UVSSA: variants seen among roughly 807,000 people sequenced by gnomAD.
UVSSA encodes the protein UV stimulated scaffold protein A.
In UVSSA, 72 loss-of-function variants were observed where a neutral mutation model predicts 73.9. The observed-to-expected ratio is 0.97, with a 90% CI of 0.81 to 1.19. The LOEUF (loss-of-function observed/expected upper bound fraction) is 1.19, where lower values mean the gene tolerates loss of function less well. UVSSA is among the 50% of genes most tolerant of loss of function. The pLI is 0.00. For missense variants in UVSSA, 1,150 were observed against 965.0 expected, an observed-to-expected ratio of 1.19 and a Z score of -2.54; for synonymous variants, 454 against 391.3, an observed-to-expected ratio of 1.16 and a Z score of -1.89.
At chr4:1,361,146 G>A (rs2109155811) in intron 7 of UVSSA, among the ~76,000 whole-genome samples, 1 of 152,358 alleles carries the variant, frequency 6.6e-6, no homozygotes. Flanking sequence ...CCTAGCTCTG[G>A]AATCGACCTC....
intron 10 of UVSSA, among the ~76,000 whole-genome samples, chr4:1,378,368 C>T (rs1302638204): frequency 1.3e-5 from 2 of 152,210 alleles, no homozygotes; most frequent in Non-Finnish European, 2.9e-5. Context: ...GCCTGGCCAA[C>T]ATGACAAAAC....
intron 7 of UVSSA, among the ~76,000 whole-genome samples, chr4:1,364,890 C>T (rs1469688410): frequency 3.3e-5 from 5 of 152,158 alleles, no homozygotes; most frequent in African/African-American, 7.2e-5. Context: ...GACCGCCCTG[C>T]TGTGCTGAGC....
chr4:1,389,115 C>T (rs1720340347), downstream of UVSSA: 1 of 152,084 alleles, frequency 6.6e-6, no homozygotes. Flanking sequence ...TGTTTAGTTC[C>T]AGTAGTTTGC....
rs768366964 is a variant in UVSSA at position 1,380,900 on chromosome 4, T to C, written c.1773T>C (p.Ile591=). Residue 591 remains isoleucine, a synonymous_variant, in exon 12 of 14, where the codon ATT becomes ATC. Transcript: ENST00000389851. ...TGCAGTGCCCTTTCCATGGGAAGATTGTTCCACGGGACGACGAAGGACGGC... is the reference window on the plus strand; with the variant it reads ...TGCAGTGCCCTTTCCATGGGAAGATCGTTCCACGGGACGACGAAGGACGGC... The part of the protein sequence containing the change: ...DRLKCPFHGK[I]VPRDDEGRPL... The C allele has an allele frequency of 1.2e-6, 2 of 1,612,946 alleles. No homozygotes were observed. Among genetic ancestry groups the C allele is most frequent in the Non-Finnish European group, 1.7e-6 (2 of 1,179,908 alleles).
chr4:1,369,785 C>T (rs957257219), intron 8 of UVSSA, among the ~76,000 whole-genome samples: 2 of 152,222 alleles, frequency 1.3e-5, no homozygotes, highest in Non-Finnish European at 2.9e-5. Context: ...GCCACTTGGC[C>T]AATGTAAACA....
At chr4:1,382,769 C>T (rs552458543) in intron 12 of UVSSA, among the ~76,000 whole-genome samples, 58 of 152,316 alleles carry the variant, frequency 3.8e-4, no homozygotes, top group African/African-American at 1.3e-3. Context: ...GCCATCCGTC[C>T]GAGATGTGGG....
At chr4:1,366,513 GGGGCA>G in intron 8 of UVSSA, 82 bp downstream of exon 8, 1 of 1,033,618 alleles carries the variant, frequency 9.7e-7, no homozygotes, top group Non-Finnish European at 1.4e-6. Context: ...CATGACCTCA[GGGGCA>G]GGGCCTGGAG....
Position 1,351,761 on chromosome 4 carries a change from G to A in UVSSA, c.476G>A (p.Arg159Lys). The A allele has an allele frequency of 1.2e-6, 2 of 1,613,712 alleles. No homozygotes were observed. Among genetic ancestry groups the A allele is most frequent in the Non-Finnish European group, 1.7e-6 (2 of 1,179,872 alleles). The change falls in exon 4 of 14, where the codon AGA becomes AAA. Residue 159 changes from arginine (R) to lysine (K), a missense_variant. By Grantham distance (26) the Arg-to-Lys change is conservative (BLOSUM62 2). Transcript: ENST00000389851. The stretch of plus-strand genomic sequence containing the variant: ...GCTCGGAGTCTGGCAGAAAGGAAGA[G>A]AGAAGAGGAGAAGCAGAAGCACTTG... ...TNARSLAERK[R>K]EEEKQKHLDK...
chr4:1,351,799 C>T lies in UVSSA; in HGVS notation c.514C>T (p.Gln172Ter). The T allele has an allele frequency of 6.2e-7, 1 of 1,613,666 alleles. No homozygotes were observed. Reference sequence around the variant, plus strand: ...GCAGAAGCACTTGGATAAAATTTATCAAGAAAGAGCCAGCCAGGCGGAGAG... The same window carrying T: ...GCAGAAGCACTTGGATAAAATTTATTAAGAAAGAGCCAGCCAGGCGGAGAG... ...EKQKHLDKIY[Q>*]ERASQAEREM... Residue 172 changes from glutamine (Q) to a stop codon, truncating the protein, a stop_gained, in exon 4 of 14, where the codon CAA becomes TAA. Coordinates refer to ENST00000389851, the MANE Select transcript of UVSSA (RefSeq NM_020894.4). LOFTEE classifies it high-confidence loss of function.
intron 9 of UVSSA, 145 bp downstream of exon 9, chr4:1,375,653 G>T: frequency 7.5e-7 from 1 of 1,325,464 alleles, no homozygotes; most frequent in East Asian, 2.5e-5. Context: ...CCGGCCGGGT[G>T]AGCAGTGTTG....
chr4:1,395,763 G>T, exon 14 of UVSSA: 1 of 1,614,220 alleles, frequency 6.2e-7, no homozygotes, highest in East Asian at 2.2e-5. Context: ...GTCAGACGCT[G>T]TTACCGTACA....
At chr4:1,348,952 G>A (rs1448934524) in intron 2 of UVSSA, among the ~76,000 whole-genome samples, 2 of 152,138 alleles carry the variant, frequency 1.3e-5, no homozygotes, top group African/African-American at 4.8e-5. Flanking sequence ...TGTGCGTGCT[G>A]GGCGGTGTGC....
rs745499970 is a variant in UVSSA, at chr4:1,353,385, G to T, written c.906G>T (p.Lys302Asn). 2 of 1,590,068 alleles carry T rather than the reference G, an allele frequency of 1.3e-6. No individual in the cohort carries two copies. Among genetic ancestry groups the T allele is most frequent in the Non-Finnish European group, 1.7e-6 (2 of 1,168,204 alleles). ...GGAGCCACGGGCTGGGCTCGCACAA[G>T]TACACGCTGGATGTGGAGCTCTGCT... ...FVRSHGLGSH[K>N]YTLDVELCSE... is the part of the protein sequence containing the mutation. Residue 302 changes from lysine to asparagine, a missense_variant, in exon 5 of 14, where the codon AAG becomes AAT. Transcript: ENST00000389851.
chr4:1,379,180 C>T (rs1719135462), intron 10 of UVSSA, among the ~76,000 whole-genome samples: 1 of 152,236 alleles, frequency 6.6e-6, no homozygotes, highest in Non-Finnish European at 1.5e-5. Flanking sequence ...AGGCAATGAG[C>T]AGCCTCTCAT....
chr4:1,353,548 C>A, intron 5 of UVSSA, 135 bp downstream of exon 5: 1 of 1,234,302 alleles, frequency 8.1e-7, no homozygotes, highest in Non-Finnish European at 1.1e-6. Context: ...GGGTCACCAC[C>A]AGGTTTTTCC....
intron 5 of UVSSA, 30 bp from the exon 6 acceptor site, chr4:1,354,705 C>G: frequency 6.2e-7 from 1 of 1,603,390 alleles, no homozygotes; most frequent in Non-Finnish European, 8.5e-7. Context: ...AGTCGGCGCC[C>G]TCTTGTGACC....
intron 8 of UVSSA, 31 bp downstream of exon 8, chr4:1,366,462 T>C (rs1400001714): frequency 1.9e-6 from 3 of 1,542,092 alleles, no homozygotes; most frequent in Admixed American, 3.6e-5. Context: ...GGGGGGCACC[T>C]GGGTGGAGGG....
intron 12 of UVSSA, 121 bp from the exon 13 acceptor site, chr4:1,383,645 C>A: frequency 1.7e-6 from 2 of 1,203,772 alleles, no homozygotes; most frequent in Non-Finnish European, 1.2e-6. Flanking sequence ...AGGGTACGGC[C>A]GTGGGCAAGG....
intron 7 of UVSSA, among the ~76,000 whole-genome samples, chr4:1,360,806 G>C (rs768830861): frequency 6.6e-6 from 1 of 152,356 alleles, no homozygotes; most frequent in Non-Finnish European, 1.5e-5. Flanking sequence ...GGAGGCCCCA[G>C]ATGTTCTAAG....
Sources: gnomAD v4.1 joint callset for allele counts (sites outside exome capture counted in the v4.1 genomes callset) on GRCh38, gnomAD v4.1.1 for gene constraint, MANE v1.5 for transcripts, NCBI Gene and HGNC (gene_info 2026-07-23, HGNC 2026-07-21) for gene names.